Variants in RPP14 observed in about 807,000 individuals in gnomAD.
RPP14 encodes ribonuclease P protein subunit p14.
Under a neutral mutation model 17.8 loss-of-function variants are expected in RPP14, and 19 were observed. The observed-to-expected ratio is 1.07, with a 90% CI of 0.74 to 1.57. The LOEUF (loss-of-function observed/expected upper bound fraction) is 1.57, where lower values mean the gene tolerates loss of function less well. Ranked by LOEUF, RPP14 falls within the 40% of genes most tolerant of loss-of-function variation. RPP14 has a pLI of 0.00. For missense variants in RPP14, 125 were observed against 140.8 expected, an observed-to-expected ratio of 0.89 and a Z score of 0.57; for synonymous variants, 60 against 56.4, an observed-to-expected ratio of 1.06 and a Z score of -0.29.
At chr3:58,306,908 G>A (rs1228706420) in intron 1 of RPP14, among the ~76,000 whole-genome samples, 2 of 152,218 alleles carry the variant, frequency 1.3e-5, no homozygotes, top group Non-Finnish European at 2.9e-5. Context: ...CATAGAAAAA[G>A]GCAAATGCTA....
At position 58,317,000 on chromosome 3, in the gene RPP14, A is replaced by G. The variant is rs759978314; in HGVS notation, c.318+7A>G. 16 of 1,606,256 alleles carry G rather than the reference A, an allele frequency of 1.0e-5. No individual in the cohort carries two copies. Among genetic ancestry groups the G allele is most frequent in the Non-Finnish European group, 1.3e-5 (15 of 1,173,218 alleles). ...TGCTTTCCGGGTGATTCAGGTAAAG[A>G]CTATTCCCTCACATATTCCAAACAA... On this transcript the variant is annotated splice_region_variant and intron_variant, in intron 5 of 5. Coordinates refer to ENST00000295959, the MANE Select transcript of RPP14 (RefSeq NM_007042.6).
Position 58,316,997 on chromosome 3 carries a change from A to G in RPP14, c.318+4A>G. The G allele has an allele frequency of 6.2e-7, 1 of 1,608,280 alleles. No homozygotes were observed. Among genetic ancestry groups the G allele is most frequent in the Non-Finnish European group, 8.5e-7 (1 of 1,174,994 alleles). On this transcript the variant is annotated splice_donor_region_variant and intron_variant, in intron 5 of 5. Transcript: ENST00000295959. Reference sequence around the variant, plus strand: ...ATGTGCTTTCCGGGTGATTCAGGTAAAGACTATTCCCTCACATATTCCAAA... The same window carrying G: ...ATGTGCTTTCCGGGTGATTCAGGTAGAGACTATTCCCTCACATATTCCAAA...
intron 3 of RPP14, among the ~76,000 whole-genome samples, chr3:58,311,562 TGCAA>T (rs2097482260): frequency 6.6e-6 from 1 of 152,246 alleles, no homozygotes; most frequent in Non-Finnish European, 1.5e-5. Flanking sequence ...TTCATGATGC[TGCAA>T]ATGACAGAAT....
rs1358811064 is a variant in RPP14 at position 58,320,069 on chromosome 3, A to G, written c.*2573A>G. Reference sequence around the variant, plus strand: ...TGGACATTTCATAAAAGTTCATACAATGTATGATCCTTTGGAACTGGCTTC... The same window carrying G: ...TGGACATTTCATAAAAGTTCATACAGTGTATGATCCTTTGGAACTGGCTTC... On this transcript the variant is annotated 3_prime_UTR_variant, in exon 6 of 6. Coordinates refer to ENST00000295959, the MANE Select transcript of RPP14 (RefSeq NM_007042.6). 1 of 152,138 alleles carries G rather than the reference A, an allele frequency of 6.6e-6. No individual in the cohort carries two copies. The highest frequency in any genetic ancestry group is 1.5e-5 in the Non-Finnish European group (1 of 68,026). 9.4% of individuals were successfully genotyped at this position (152,138 alleles called of 1,614,324 possible). A position where few individuals can be genotyped will look rare whatever the true frequency, so the allele number is the denominator to read the frequency against.
chr3:58,316,595 T>C lies in RPP14; in HGVS notation c.239+4T>C, dbSNP rs761867761. On this transcript the variant is annotated splice_donor_region_variant and intron_variant, in intron 4 of 5. Coordinates refer to ENST00000295959, the MANE Select transcript of RPP14 (RefSeq NM_007042.6). The stretch of plus-strand genomic sequence containing the variant: ...CCATCTTGAGAATATGTAGCAGGTA[T>C]GACAGAGAGTGGGAAATTTCTAGTA... 6.2e-7 allele frequency: 1 copy of C among 1,611,902 alleles called. No homozygotes were observed. Among genetic ancestry groups the C allele is most frequent in the Non-Finnish European group, 8.5e-7 (1 of 1,178,180 alleles).
At chr3:58,317,023 C>G (rs756920975) in intron 5 of RPP14, 30 bp downstream of exon 5, 2 of 1,510,850 alleles carry the variant, frequency 1.3e-6, no homozygotes, top group Non-Finnish European at 1.8e-6. Flanking sequence ...ATATTCCAAA[C>G]AAGACTGAGT....
intron 1 of RPP14, among the ~76,000 whole-genome samples, chr3:58,309,181 G>C (rs901434187): frequency 1.4e-4 from 21 of 152,184 alleles, no homozygotes; most frequent in Admixed American, 6.5e-5. Flanking sequence ...TGTTGACTGA[G>C]AGTAAACAAG....
intron 3 of RPP14, among the ~76,000 whole-genome samples, chr3:58,315,351 A>G (rs1269452186): frequency 2.6e-5 from 4 of 151,814 alleles, no homozygotes; most frequent in Admixed American, 2.6e-4. Flanking sequence ...TAATCTGGAG[A>G]AAGGTTAGTG....
At chr3:58,316,385 G>A (rs1559795728) in intron 3 of RPP14, 130 bp from the exon 4 acceptor site, 2 of 781,390 alleles carry the variant, frequency 2.6e-6, no homozygotes, top group South Asian at 1.6e-5. Flanking sequence ...CAACTAAAGT[G>A]CCAGCACCAT....
chr3:58,313,793 TG>T (rs573154167), intron 3 of RPP14, among the ~76,000 whole-genome samples: 210 of 152,164 alleles, frequency 1.4e-3, no homozygotes, highest in Middle Eastern at 3.4e-3. Context: ...CCTCCATGGC[TG>T]GGGGTAGGGG....
At chr3:58,306,574 G>C (rs1268233953) in intron 1 of RPP14, 157 bp downstream of exon 1, 2 of 152,238 alleles carry the variant, frequency 1.3e-5, no homozygotes, top group Non-Finnish European at 1.5e-5. Context: ...GTAGGGTCTC[G>C]GCCGCAGAAC....
intron 3 of RPP14, among the ~76,000 whole-genome samples, chr3:58,314,167 A>G (rs765333766): frequency 2.0e-5 from 3 of 152,012 alleles, no homozygotes; most frequent in African/African-American, 2.4e-5. Context: ...CCTGGCCAAC[A>G]TGGCAAAACC....
chr3:58,310,928 C>CA (rs35474505), intron 3 of RPP14, among the ~76,000 whole-genome samples: 39 of 119,032 alleles, frequency 3.3e-4, no homozygotes, highest in South Asian at 7.3e-4. Flanking sequence ...GACTCTGTCA[C>CA]AAAAAAAAAA....
chr3:58,314,676 T>TTTTC (rs1491537854), intron 3 of RPP14, among the ~76,000 whole-genome samples: 3 of 16,904 alleles, frequency 1.8e-4, no homozygotes, highest in African/African-American at 1.1e-3. Context: ...TTTGGCAGTA[T>TTTTC]TTTTTTTTTT....
chr3:58,310,660 C>A, intron 3 of RPP14, 69 bp downstream of exon 3: 1 of 1,332,460 alleles, frequency 7.5e-7, no homozygotes, highest in Non-Finnish European at 1.1e-6. Flanking sequence ...AGGCCGGGCG[C>A]GGTAGCTCAC....
intron 1 of RPP14, among the ~76,000 whole-genome samples, chr3:58,309,882 A>C (rs2097480219): frequency 1.3e-5 from 2 of 150,138 alleles, no homozygotes; most frequent in Non-Finnish European, 3.0e-5. Flanking sequence ...ACAGAGCAAG[A>C]CTCCTTCTCC....
chr3:58,310,497 CT>C lies in RPP14; in HGVS notation c.78-3del. ...TTTAATATGACTTTTTTTTTTTTCACTTTTTTTAGAGAATTTCAAGATTGTG... is the reference window on the plus strand; with the variant it reads ...TTTAATATGACTTTTTTTTTTTTCACTTTTTTAGAGAATTTCAAGATTGTG... On this transcript the variant is annotated splice_polypyrimidine_tract_variant and intron_variant, in intron 2 of 5. Coordinates refer to ENST00000295959, the MANE Select transcript of RPP14 (RefSeq NM_007042.6). 1 of 1,590,212 alleles carries C rather than the reference CT, an allele frequency of 6.3e-7. No individual in the cohort carries two copies. The highest frequency in any genetic ancestry group is 8.6e-7 in the Non-Finnish European group (1 of 1,168,494).
At chr3:58,312,741 A>G (rs779360224) in intron 3 of RPP14, among the ~76,000 whole-genome samples, 3 of 152,004 alleles carry the variant, frequency 2.0e-5, no homozygotes, top group Non-Finnish European at 4.4e-5. Context: ...TGAGCAGATC[A>G]CTTACAGTCA....
chr3:58,308,073 A>G (rs1254712153), intron 1 of RPP14: 1 of 151,296 alleles, frequency 6.6e-6, no homozygotes, highest in Non-Finnish European at 1.5e-5. Flanking sequence ...ACACTAAAAA[A>G]CATTTATGTG....
Sources: gnomAD v4.1 joint callset for allele counts (sites outside exome capture counted in the v4.1 genomes callset) on GRCh38, gnomAD v4.1.1 for gene constraint, MANE v1.5 for transcripts, NCBI Gene and HGNC (gene_info 2026-07-23, HGNC 2026-07-21) for gene names.